Variants in SH3PXD2A observed in about 807,000 individuals in gnomAD.
The protein encoded by SH3PXD2A is SH3 and PX domain-containing protein 2A.
A neutral mutation model predicts 115.2 loss-of-function variants in SH3PXD2A; 32 were observed. The ratio of observed to expected loss-of-function variants is 0.28; its 90% CI spans 0.21 to 0.37. The LOEUF is 0.37. Ranked by LOEUF, SH3PXD2A falls within the 10% of genes least tolerant of loss-of-function variation. SH3PXD2A has a pLI of 1.00. For synonymous variants in SH3PXD2A, 610 were observed against 629.1 expected (o/e 0.97, Z 0.45); for missense variants, 1,328 against 1,498.7 (o/e 0.89, Z 1.88).
chr10:103,624,533 T>C (rs552626360), intron 9 of SH3PXD2A, among the ~76,000 whole-genome samples: 1 of 152,294 alleles, frequency 6.6e-6, no homozygotes, highest in South Asian at 2.1e-4. Flanking sequence ...CTTCCTACCA[T>C]ACTGAACTCC....
At chr10:103,809,350 T>C (rs942541719) in intron 1 of SH3PXD2A, among the ~76,000 whole-genome samples, 4 of 152,168 alleles carry the variant, frequency 2.6e-5, no homozygotes, top group Non-Finnish European at 2.9e-5. Context: ...GAATCAGTCA[T>C]AGTAAATGCA....
At chr10:103,701,257 TCCA>T (rs2037897409) in intron 5 of SH3PXD2A, among the ~76,000 whole-genome samples, 2 of 143,474 alleles carry the variant, frequency 1.4e-5, no homozygotes, top group Admixed American at 6.9e-5. Context: ...CCATCATCCA[TCCA>T]CCATCCATCC....
chr10:103,836,306 A>ACG (rs912023344), intron 1 of SH3PXD2A, among the ~76,000 whole-genome samples: 5 of 151,894 alleles, frequency 3.3e-5, no homozygotes, highest in African/African-American at 7.3e-5. Context: ...CTTTTATTAC[A>ACG]CACACACACA....
chr10:103,662,445 TGC>T (rs2037326059), intron 7 of SH3PXD2A, among the ~76,000 whole-genome samples: 1 of 127,474 alleles, frequency 7.8e-6, no homozygotes, highest in Non-Finnish European at 1.6e-5. Context: ...CAGGCCGGAC[TGC>T]GGACTGCAGT....
At chr10:103,805,027 G>A (rs900196557) in intron 1 of SH3PXD2A, among the ~76,000 whole-genome samples, 2 of 152,170 alleles carry the variant, frequency 1.3e-5, no homozygotes, top group Admixed American at 6.5e-5. Flanking sequence ...AGGCCAATCC[G>A]CCCCTGGAGA....
At chr10:103,764,806 T>A (rs1331119851) in intron 3 of SH3PXD2A, among the ~76,000 whole-genome samples, 1 of 152,116 alleles carries the variant, frequency 6.6e-6, no homozygotes, top group Non-Finnish European at 1.5e-5. Context: ...ACAGCTCTGG[T>A]GTGGGCTGTG....
At chr10:103,822,140 C>T (rs2039387519) in intron 1 of SH3PXD2A, among the ~76,000 whole-genome samples, 2 of 152,202 alleles carry the variant, frequency 1.3e-5, no homozygotes, top group Non-Finnish European at 2.9e-5. Flanking sequence ...ATCTGCCTGC[C>T]TCGGCCTCCC....
chr10:103,653,978 T>C (rs1161415709), intron 8 of SH3PXD2A, among the ~76,000 whole-genome samples: 1 of 151,730 alleles, frequency 6.6e-6, no homozygotes, highest in East Asian at 1.9e-4. Flanking sequence ...CATGCCTGCT[T>C]TGCAGTCGCA....
chr10:103,639,608 TAAA>T (rs67918508), intron 8 of SH3PXD2A, among the ~76,000 whole-genome samples: 5 of 85,840 alleles, frequency 5.8e-5, no homozygotes, highest in Admixed American at 2.6e-4. Flanking sequence ...GACTCCGTCT[TAAA>T]AAAAAAAAAA....
At chr10:103,854,703 G>C (rs1842924307) in intron 1 of SH3PXD2A, among the ~76,000 whole-genome samples, 1 of 152,212 alleles carries the variant, frequency 6.6e-6, no homozygotes, top group African/African-American at 2.4e-5. Flanking sequence ...AGGGGGCGGC[G>C]GCTTCCTTCT....
At chr10:103,679,351 G>A (rs2037580592) in intron 6 of SH3PXD2A, among the ~76,000 whole-genome samples, 1 of 152,248 alleles carries the variant, frequency 6.6e-6, no homozygotes, top group South Asian at 2.1e-4. Flanking sequence ...GCCAGAGCCA[G>A]AAAAGCCAGC....
intron 8 of SH3PXD2A, among the ~76,000 whole-genome samples, chr10:103,650,950 C>A (rs1487025326): frequency 6.6e-6 from 1 of 152,234 alleles, no homozygotes; most frequent in East Asian, 1.9e-4. Flanking sequence ...TGCCACAGGG[C>A]ACACAGTAGA....
Position 103,598,138 on chromosome 10 carries a change from A to G in SH3PXD2A, c.*3678T>C, listed in dbSNP as rs796724370. ...GATTCTATATAATGCCTTCGTCAAGATGGAAAATCAAGGAGGAAGAAAGAG... is the reference window on the plus strand; with the variant it reads ...GATTCTATATAATGCCTTCGTCAAGGTGGAAAATCAAGGAGGAAGAAAGAG... On this transcript the variant is annotated 3_prime_UTR_variant, in exon 15 of 15. Transcript: ENST00000369774. The G allele has an allele frequency of 2.6e-5, 4 of 152,798 alleles. No individual in the cohort carries two copies. Among genetic ancestry groups the G allele is most frequent in the African/African-American group, 9.6e-5 (4 of 41,586 alleles). The allele number at this position is 152,798 out of a possible 1,614,324, so 9.5% of individuals were successfully genotyped here.
At chr10:103,658,652 T>C (rs1006184841) in intron 8 of SH3PXD2A, among the ~76,000 whole-genome samples, 4 of 152,232 alleles carry the variant, frequency 2.6e-5, no homozygotes, top group Non-Finnish European at 5.9e-5. Flanking sequence ...GGCACAGCAC[T>C]GCAGGTCCTG....
intron 2 of SH3PXD2A, among the ~76,000 whole-genome samples, chr10:103,785,864 T>G (rs2038975780): frequency 6.6e-6 from 1 of 151,016 alleles, no homozygotes; most frequent in South Asian, 2.1e-4. Context: ...CAGACGAGAC[T>G]GGCAAAGACA....
intron 8 of SH3PXD2A, among the ~76,000 whole-genome samples, chr10:103,633,191 G>A (rs2036808471): frequency 6.6e-6 from 1 of 152,150 alleles, no homozygotes; most frequent in South Asian, 2.1e-4. Context: ...CCAGGCAGAC[G>A]GATTGCTTGA....
chr10:103,783,261 C>T (rs552180671), intron 2 of SH3PXD2A, among the ~76,000 whole-genome samples: 77 of 152,282 alleles, frequency 5.1e-4, no homozygotes, highest in African/African-American at 1.8e-3. Flanking sequence ...CATGGTCTGC[C>T]AGGATAGGGT....
intron 1 of SH3PXD2A, among the ~76,000 whole-genome samples, chr10:103,815,245 C>T (rs2039312566): frequency 1.3e-5 from 2 of 151,968 alleles, no homozygotes; most frequent in African/African-American, 2.4e-5. Flanking sequence ...TTTCAAAAGA[C>T]ATCAGCAAGA....
intron 11 of SH3PXD2A, among the ~76,000 whole-genome samples, chr10:103,615,302 G>A (rs1402096885): frequency 6.6e-6 from 1 of 152,234 alleles, no homozygotes; most frequent in East Asian, 1.9e-4. Flanking sequence ...CCCGAGTGCT[G>A]TATTTGTGTT....
Sources: gnomAD v4.1 joint callset for allele counts (sites outside exome capture counted in the v4.1 genomes callset) on GRCh38, gnomAD v4.1.1 for gene constraint, MANE v1.5 for transcripts, NCBI Gene and HGNC (gene_info 2026-07-23, HGNC 2026-07-21) for gene names.